Variants in KCNJ6 observed in about 807,000 individuals in gnomAD.
The protein encoded by KCNJ6 is potassium inwardly rectifying channel subfamily J member 6.
In KCNJ6, 9 loss-of-function variants were observed where a neutral mutation model predicts 34.2. That is an observed-to-expected ratio of 0.26 (90% CI 0.16 to 0.46). KCNJ6 has a LOEUF of 0.46. Ranked by LOEUF, KCNJ6 falls within the 20% of genes least tolerant of loss-of-function variation. KCNJ6 has a pLI of 1.00. For synonymous variants in KCNJ6, 196 were observed against 207.1 expected (o/e 0.95, Z 0.46); for missense variants, 236 against 531.3 (o/e 0.44, Z 5.46).
chr21:37,846,351 CTCTGTGTGTGTGTGTGTG>C (rs1246742004), intron 1 of KCNJ6, among the ~76,000 whole-genome samples: 2 of 129,968 alleles, frequency 1.5e-5, no homozygotes, highest in Admixed American at 8.0e-5. Flanking sequence ...GGCTGAGACA[CTCTGTGTGTGTGTGTGTG>C]TGTGTGTGTG....
At chr21:37,907,339 T>C (rs993437317) in intron 1 of KCNJ6, among the ~76,000 whole-genome samples, 1 of 151,300 alleles carries the variant, frequency 6.6e-6, no homozygotes, top group African/African-American at 2.4e-5. Context: ...TTAAATGTGA[T>C]TCATTTTTTT....
At chr21:37,874,193 C>T (rs1049455746) in intron 1 of KCNJ6, among the ~76,000 whole-genome samples, 3 of 152,210 alleles carry the variant, frequency 2.0e-5, no homozygotes, top group African/African-American at 7.2e-5. Context: ...GGGGAGGAGG[C>T]CTGTCTTGCT....
intron 3 of KCNJ6, among the ~76,000 whole-genome samples, chr21:37,681,961 CATT>C (rs552387490): frequency 2.7e-4 from 41 of 152,286 alleles, no homozygotes; most frequent in African/African-American, 9.9e-4. Flanking sequence ...CCTATTTCTT[CATT>C]AAGGGGAAAG....
chr21:37,632,197 G>A (rs1270721703), intron 3 of KCNJ6, among the ~76,000 whole-genome samples: 2 of 147,494 alleles, frequency 1.4e-5, no homozygotes, highest in Non-Finnish European at 3.0e-5. Context: ...TGATATAATC[G>A]TGAGCTTTGC....
intron 2 of KCNJ6, among the ~76,000 whole-genome samples, chr21:37,802,477 G>A (rs772705881): frequency 1.3e-5 from 2 of 152,170 alleles, no homozygotes; most frequent in Non-Finnish European, 2.9e-5. Context: ...AAAGAAAAAG[G>A]GTGATGTGAT....
Position 37,620,672 on chromosome 21 carries a change from C to T in KCNJ6, c.*4487G>A, listed in dbSNP as rs1300697768. The T allele has an allele frequency of 6.6e-6, 1 of 152,042 alleles. No homozygotes were observed. Among genetic ancestry groups the T allele is most frequent in the Non-Finnish European group, 1.5e-5 (1 of 68,018 alleles). The allele number at this position is 152,042 out of a possible 1,614,324, so 9.4% of individuals were successfully genotyped here. A position where few individuals can be genotyped will look rare whatever the true frequency, so the allele number is the denominator to read the frequency against. On this transcript the variant is annotated 3_prime_UTR_variant, in exon 4 of 4. Coordinates refer to ENST00000609713, the MANE Select transcript of KCNJ6 (RefSeq NM_002240.5). ...CTGGCCTTTAAACTTGGCCAATTTG[C>T]CCAAACCCTAGTTTTCCCTCTATAA...
At position 37,852,280 on chromosome 21, in the gene KCNJ6, CG is replaced by C. The variant is rs536142318; in HGVS notation, c.-27-11572del. ...CATATGGGGAGCCTGGTCCTCCACA[CG>C]GTTCTGGTAATAATGAGGTATGTCT... On this transcript the variant is annotated intron_variant, in intron 1 of 3. Coordinates refer to ENST00000609713, the MANE Select transcript of KCNJ6 (RefSeq NM_002240.5). Among the ~76,000 whole-genome samples, 261 of 152,300 alleles carry C rather than the reference CG, an allele frequency of 1.7e-3. 1 individual carries two copies. Among genetic ancestry groups the C allele is most frequent in the African/African-American group, 6.0e-3 (248 of 41,552 alleles).
chr21:37,704,899 T>C (rs760427069), intron 3 of KCNJ6, among the ~76,000 whole-genome samples: 5 of 152,258 alleles, frequency 3.3e-5, no homozygotes, highest in Middle Eastern at 3.4e-3. Context: ...TTGGTTGCAC[T>C]TTGGGTTATA....
At chr21:37,724,278 T>C (rs2054842479) in intron 2 of KCNJ6, among the ~76,000 whole-genome samples, 3 of 152,214 alleles carry the variant, frequency 2.0e-5, no homozygotes, top group Admixed American at 6.5e-5. Context: ...TTTTGCTTAG[T>C]CAATGTGTTG....
At chr21:37,812,293 T>G (rs2055326939) in intron 2 of KCNJ6, among the ~76,000 whole-genome samples, 1 of 152,106 alleles carries the variant, frequency 6.6e-6, no homozygotes, top group South Asian at 2.1e-4. Context: ...CTCTTAGAGC[T>G]GAAAGTGCTG....
intron 2 of KCNJ6, among the ~76,000 whole-genome samples, chr21:37,770,702 G>T (rs1341790741): frequency 6.6e-6 from 1 of 152,192 alleles, no homozygotes; most frequent in African/African-American, 2.4e-5. Context: ...CACGGCAAAG[G>T]TAATAGAAAA....
Position 37,678,753 on chromosome 21 carries a change from T to G in KCNJ6, c.946+35458A>C, listed in dbSNP as rs2123416059. ...GACTACAGAGCTTTGTACATGTGGCTGAGAGACCCACGTAAACTCAGGGAG... is the reference window on the plus strand; with the variant it reads ...GACTACAGAGCTTTGTACATGTGGCGGAGAGACCCACGTAAACTCAGGGAG... On this transcript the variant is annotated intron_variant, in intron 3 of 3. Transcript: ENST00000609713. 2.0e-5 allele frequency among the ~76,000 whole-genome samples: 3 copies of G among 152,316 alleles called. No homozygotes were observed. In the South Asian group the frequency reaches 6.2e-4, roughly 32 times the overall value.
At chr21:37,877,148 G>C (rs1386186300) in intron 1 of KCNJ6, among the ~76,000 whole-genome samples, 1 of 152,070 alleles carries the variant, frequency 6.6e-6, no homozygotes, top group Non-Finnish European at 1.5e-5. Flanking sequence ...AGTTAAAAAA[G>C]GCAAACCCAC....
intron 1 of KCNJ6, among the ~76,000 whole-genome samples, chr21:37,903,329 T>G (rs780304521): frequency 6.6e-6 from 1 of 152,190 alleles, no homozygotes; most frequent in Non-Finnish European, 1.5e-5. Flanking sequence ...CAAGCTCTCT[T>G]GCCTGTCACC....
Position 37,607,482 on chromosome 21 carries a change from A to ATATATATTTTTTTTTT in KCNJ6, c.*17676_*17677insAAAAAAAAAATATATA. ...CTTAAAGATATATATATATATATAT[A>ATATATATTTTTTTTTT]TTTTTTTTTTATTTTAAAAAAATTT... On this transcript the variant is annotated 3_prime_UTR_variant, in exon 4 of 4. Coordinates refer to ENST00000609713, the MANE Select transcript of KCNJ6 (RefSeq NM_002240.5). 5 of 136,758 alleles carry ATATATATTTTTTTTTT rather than the reference A, an allele frequency of 3.7e-5. No individual in the cohort carries two copies. The highest frequency in any genetic ancestry group is 7.7e-5 in the Non-Finnish European group (5 of 64,778). 8.5% of individuals were successfully genotyped at this position (136,758 alleles called of 1,614,324 possible). A position where few individuals can be genotyped will look rare whatever the true frequency, so the allele number is the denominator to read the frequency against.
chr21:37,706,740 G>A lies in KCNJ6; in HGVS notation c.946+7471C>T, dbSNP rs192848482. Among the ~76,000 whole-genome samples, 19 of 152,252 alleles carry A rather than the reference G, an allele frequency of 1.2e-4. 1 individual carries two copies. Among genetic ancestry groups the A allele is most frequent in the Non-Finnish European group, 2.5e-4 (17 of 68,028 alleles). ...GAAATTCACATTTACTGTCCACTTC[G>A]TTGAAGTATAGCTGTACTTTAAAGC... On this transcript the variant is annotated intron_variant, in intron 3 of 3. Coordinates refer to ENST00000609713, the MANE Select transcript of KCNJ6 (RefSeq NM_002240.5).
At chr21:37,835,836 C>T (rs528227387) in intron 2 of KCNJ6, among the ~76,000 whole-genome samples, 1 of 146,344 alleles carries the variant, frequency 6.8e-6, no homozygotes, top group East Asian at 2.0e-4. Flanking sequence ...CTAACCCTAA[C>T]CCTCCAGTGT....
chr21:37,661,679 A>G (rs1275910656), intron 3 of KCNJ6, among the ~76,000 whole-genome samples: 3 of 123,314 alleles, frequency 2.4e-5, no homozygotes, highest in African/African-American at 9.4e-5. Context: ...GCTGGAGTGC[A>G]GTGGCGCGAT....
rs1334507534 is a variant in KCNJ6, at chr21:37,714,185, C to G, written c.946+26G>C. 2.0e-6 allele frequency: 3 copies of G among 1,522,138 alleles called. No homozygotes were observed. In the African/African-American group the frequency reaches 4.1e-5, roughly 21 times the overall value. The allele number at this position is 1,522,138 out of a possible 1,614,324, so 94.3% of individuals were successfully genotyped here. A position where few individuals can be genotyped will look rare whatever the true frequency, so the allele number is the denominator to read the frequency against. On this transcript the variant is annotated intron_variant, in intron 3 of 3. Coordinates refer to ENST00000609713, the MANE Select transcript of KCNJ6 (RefSeq NM_002240.5). This position sits in a 1 kb window ranked among gnomAD's most constrained non-coding sequence, Gnocchi z 5.9. ...TTTAAAATGAGCATCTATCCCACAGCCATCCCAGGATAGAACACATCTTAC... is the reference window on the plus strand; with the variant it reads ...TTTAAAATGAGCATCTATCCCACAGGCATCCCAGGATAGAACACATCTTAC...
Sources: allele counts gnomAD v4.1 joint callset (sites outside exome capture counted in the v4.1 genomes callset), GRCh38; gene constraint gnomAD v4.1.1; non-coding constraint Gnocchi (gnomAD v3.1); transcripts MANE v1.5; gene names NCBI Gene and HGNC (gene_info 2026-07-23, HGNC 2026-07-21).